ZDHHC14: variants seen among roughly 807,000 people sequenced by gnomAD.
ZDHHC14 encodes palmitoyltransferase ZDHHC14.
In ZDHHC14, 16 loss-of-function variants were observed where a neutral mutation model predicts 47.7. The observed-to-expected ratio is 0.34, with a 90% confidence interval of 0.23 to 0.51. ZDHHC14 has a LOEUF of 0.51. ZDHHC14 is among the 20% of genes least tolerant of loss of function. The pLI is 0.97. For missense variants in ZDHHC14, 515 were observed against 662.5 expected, an observed-to-expected ratio of 0.78 and a Z score of 2.44; for synonymous variants, 293 against 278.9, an observed-to-expected ratio of 1.05 and a Z score of -0.50.
At chr6:157,444,172 C>T (rs994709089) in intron 1 of ZDHHC14, among the ~76,000 whole-genome samples, 15 of 152,214 alleles carry the variant, frequency 9.9e-5, no homozygotes, top group Admixed American at 6.5e-4. Flanking sequence ...AATTATTATA[C>T]AGCCTTCTGC....
intron 1 of ZDHHC14, among the ~76,000 whole-genome samples, chr6:157,390,625 G>C (rs1329660838): frequency 2.0e-5 from 3 of 151,944 alleles, no homozygotes; most frequent in Non-Finnish European, 4.4e-5. Flanking sequence ...GATAATTCCT[G>C]TCGGGTTGTC....
chr6:157,387,961 T>G (rs1186319858), intron 1 of ZDHHC14, among the ~76,000 whole-genome samples: 2 of 152,214 alleles, frequency 1.3e-5, no homozygotes, highest in East Asian at 3.8e-4. Flanking sequence ...CCTCAGAAAC[T>G]TTGATTATTT....
chr6:157,385,264 T>A (rs1777288842), intron 1 of ZDHHC14, among the ~76,000 whole-genome samples: 1 of 151,468 alleles, frequency 6.6e-6, no homozygotes, highest in South Asian at 2.1e-4. Context: ...AAGTTTTGTA[T>A]TTTTTGTAGA....
chr6:157,387,303 G>A (rs541392040), intron 1 of ZDHHC14, among the ~76,000 whole-genome samples: 1 of 151,960 alleles, frequency 6.6e-6, no homozygotes, highest in Non-Finnish European at 1.5e-5. Context: ...TGGAACTTGG[G>A]GCTATCCCCT....
At chr6:157,491,074 C>T (rs1447790660) in intron 1 of ZDHHC14, among the ~76,000 whole-genome samples, 5 of 152,272 alleles carry the variant, frequency 3.3e-5, no homozygotes, top group Non-Finnish European at 5.9e-5. Context: ...GGCAAGGTGC[C>T]GTTTCCCGCA....
intron 1 of ZDHHC14, among the ~76,000 whole-genome samples, chr6:157,414,349 G>A (rs944711684): frequency 2.0e-5 from 3 of 152,106 alleles, no homozygotes; most frequent in Admixed American, 6.5e-5. Flanking sequence ...CTAAGCTTCC[G>A]CCCATCCCCC....
rs1239941354 is a variant in ZDHHC14, at chr6:157,382,059, A to G, written c.38A>G (p.Glu13Gly). ...GGCGGCGGGCCCATGAAAGACTGCG[A>G]GTACAGCCAGATCAGCACCCACAGC... Reference protein sequence around the residue: ...PGGGGPMKDCEYSQISTHSSS... With the variant: ...PGGGGPMKDCGYSQISTHSSS... Residue 13 changes from glutamate (E) to glycine (G), a missense_variant, in exon 1 of 9, where the codon GAG (glutamate) becomes GGG (glycine). This residue lies in a region of ZDHHC14 where 59 missense variants were observed against 57.7 expected (regional missense o/e 1.02). Transcript: ENST00000359775. The G allele has an allele frequency of 1.3e-6, 2 of 1,594,298 alleles. No homozygotes were observed. The highest frequency in any genetic ancestry group is 1.7e-6 in the Non-Finnish European group (2 of 1,171,920).
chr6:157,433,396 A>T (rs1370336698), intron 1 of ZDHHC14, among the ~76,000 whole-genome samples: 1 of 152,220 alleles, frequency 6.6e-6, no homozygotes, highest in Non-Finnish European at 1.5e-5. Flanking sequence ...GTTTGCCTAA[A>T]GGTGGAAACT....
In ZDHHC14 at chr6:157,381,442, C is replaced by G; in HGVS notation, c.-580C>G. 3.3e-6 allele frequency: 1 copy of G among 304,522 alleles called. No individual in the cohort carries two copies. Among genetic ancestry groups the G allele is most frequent in the Non-Finnish European group, 6.7e-6 (1 of 149,138 alleles). 18.9% of individuals were successfully genotyped at this position (304,522 alleles called of 1,614,324 possible). A position where few individuals can be genotyped will look rare whatever the true frequency, so the allele number is the denominator to read the frequency against. On this transcript the variant is annotated 5_prime_UTR_variant, in exon 1 of 9. Coordinates refer to ENST00000359775, the MANE Select transcript of ZDHHC14 (RefSeq NM_024630.3). ...CTGACAGAAAAACGTGCGTGGTTGT[C>G]CCCACCCCTGGGAGGGGTTGCCGGT... is the stretch of plus-strand genomic sequence containing the variant.
chr6:157,544,930 G>A (rs1781912792), intron 2 of ZDHHC14, among the ~76,000 whole-genome samples: 1 of 152,192 alleles, frequency 6.6e-6, no homozygotes, highest in South Asian at 2.1e-4. Context: ...AATATTCATA[G>A]CTGCATGAAA....
At chr6:157,496,595 T>G (rs936913426) in intron 1 of ZDHHC14, among the ~76,000 whole-genome samples, 9 of 152,122 alleles carry the variant, frequency 5.9e-5, no homozygotes, top group Non-Finnish European at 1.3e-4. Flanking sequence ...GGGAAGATAA[T>G]GTGAAGACCC....
At chr6:157,501,989 T>C (rs1198012781) in intron 1 of ZDHHC14, among the ~76,000 whole-genome samples, 4 of 152,256 alleles carry the variant, frequency 2.6e-5, no homozygotes, top group Non-Finnish European at 4.4e-5. Flanking sequence ...GAGGTCAGTC[T>C]TCATGCACTC....
At chr6:157,391,949 G>A (rs543216709) in intron 1 of ZDHHC14, among the ~76,000 whole-genome samples, 3 of 152,294 alleles carry the variant, frequency 2.0e-5, no homozygotes, top group Non-Finnish European at 4.4e-5. Context: ...TTTGATTTGT[G>A]TAAATATGCC....
chr6:157,458,036 C>T (rs1778970084), intron 1 of ZDHHC14, among the ~76,000 whole-genome samples: 1 of 152,254 alleles, frequency 6.6e-6, no homozygotes, highest in Non-Finnish European at 1.5e-5. Flanking sequence ...AGCAGACTAC[C>T]TGCCCCCCAC....
At chr6:157,662,371 AG>A (rs1562536158) in intron 8 of ZDHHC14, among the ~76,000 whole-genome samples, 2 of 152,140 alleles carry the variant, frequency 1.3e-5, no homozygotes, top group African/African-American at 4.8e-5. Flanking sequence ...TAGTACAGAC[AG>A]GGTTTCACCA....
chr6:157,585,130 C>T (rs1451332506), intron 2 of ZDHHC14, among the ~76,000 whole-genome samples: 1 of 151,956 alleles, frequency 6.6e-6, no homozygotes, highest in Non-Finnish European at 1.5e-5. Context: ...TTGCTTGAAC[C>T]CAGGAGGCAG....
chr6:157,643,187 T>C (rs1777340477), intron 5 of ZDHHC14, among the ~76,000 whole-genome samples: 1 of 152,236 alleles, frequency 6.6e-6, no homozygotes, highest in African/African-American at 2.4e-5. Flanking sequence ...TGAATGATGA[T>C]GCTGACGGTT....
intron 2 of ZDHHC14, among the ~76,000 whole-genome samples, chr6:157,549,239 C>T (rs891186156): frequency 1.7e-4 from 26 of 152,218 alleles, no homozygotes; most frequent in Non-Finnish European, 2.1e-4. Flanking sequence ...CCTCGAGCTT[C>T]GAAACAGAAA....
intron 1 of ZDHHC14, among the ~76,000 whole-genome samples, chr6:157,527,499 A>T (rs1781200963): frequency 6.6e-6 from 1 of 152,198 alleles, no homozygotes; most frequent in South Asian, 2.1e-4. Context: ...GCAGCCTCAG[A>T]GTCTCCACCC....
Sources: gnomAD v4.1 joint callset for allele counts (sites outside exome capture counted in the v4.1 genomes callset) on GRCh38, gnomAD v4.1.1 for gene constraint, gnomAD v4.1.1 regional missense constraint, MANE v1.5 for transcripts, NCBI Gene and HGNC (gene_info 2026-07-23, HGNC 2026-07-21) for gene names.